The following STK24 variants were observed in gnomAD, a reference collection of about 807,000 sequenced individuals.
STK24 encodes the protein serine/threonine kinase 24, also known as serine/threonine-protein kinase 24.
Under a neutral mutation model 55.6 loss-of-function variants are expected in STK24, and 21 were observed. The ratio of observed to expected loss-of-function variants is 0.38; its 90% CI spans 0.27 to 0.54. The LOEUF is 0.54. Among genes scored for constraint, STK24 ranks in the 20% least tolerant of loss-of-function variants. The pLI is 0.79. For missense variants in STK24, 383 were observed against 538.4 expected (o/e 0.71, Z 2.86); for synonymous variants, 200 against 215.2 (o/e 0.93, Z 0.62).
chr13:98,515,494 G>A (rs1000680994), intron 2 of STK24, among the ~76,000 whole-genome samples: 1 of 150,386 alleles, frequency 6.6e-6, no homozygotes, highest in African/African-American at 2.4e-5. Context: ...GACCTTTCCA[G>A]GCCTCAGATC....
rs897525587 is a variant in STK24 at position 98,446,522 on chromosome 13, C to T, written c.*6651G>A. ...CCGGGCCATCACGTACAGGCAAACA[C>T]TGGCTGCCATGGTCCCTTCCAGGCC... On this transcript the variant is annotated 3_prime_UTR_variant, in exon 11 of 11. Transcript: ENST00000539966. 3.7e-6 allele frequency: 3 copies of T among 811,258 alleles called. No individual in the cohort carries two copies. In the African/African-American group the frequency reaches 5.1e-5, roughly 14 times the overall value. 50.3% of individuals were successfully genotyped at this position (811,258 alleles called of 1,614,324 possible).
intron 1 of STK24, among the ~76,000 whole-genome samples, chr13:98,557,869 T>C (rs575358856): frequency 9.2e-5 from 14 of 152,360 alleles, no homozygotes; most frequent in Admixed American, 2.6e-4. Flanking sequence ...CCAAACACTC[T>C]GTGCCATTTA....
At chr13:98,509,837 A>G (rs1001195895) in intron 2 of STK24, among the ~76,000 whole-genome samples, 1 of 138,224 alleles carries the variant, frequency 7.2e-6, no homozygotes, top group Non-Finnish European at 1.6e-5. Flanking sequence ...AGTTGTGCAC[A>G]CTCTCTCTGT....
At chr13:98,453,233 A>G (rs1280500589) in intron 10 of STK24, 24 bp from the exon 11 acceptor site, 2 of 1,609,100 alleles carry the variant, frequency 1.2e-6, no homozygotes, top group Non-Finnish European at 1.7e-6. Flanking sequence ...GAGAGAGAGA[A>G]GTCAACACAT....
intron 7 of STK24, 126 bp from the exon 8 acceptor site, chr13:98,462,023 A>C: frequency 8.5e-7 from 1 of 1,177,460 alleles, no homozygotes; most frequent in Non-Finnish European, 1.2e-6. Context: ...GTCCCCACCC[A>C]TCACACCCTT....
intron 2 of STK24, among the ~76,000 whole-genome samples, chr13:98,488,203 ACACG>A (rs1281386572): frequency 5.3e-5 from 8 of 150,364 alleles, no homozygotes; most frequent in African/African-American, 2.0e-4. Flanking sequence ...ACACACACAC[ACACG>A]GGAAGACCAC....
rs1274941631 is a variant in STK24 at position 98,534,736 on chromosome 13, C to CA, written c.43-15264dup. On this transcript the variant is annotated intron_variant, in intron 1 of 10. Transcript: ENST00000539966. ...GATCCCACCCAGGAACCGAAAACAG[C>CA]AAAAAACCCACTTCAATCTCCTATG... Among the ~76,000 whole-genome samples the CA allele has an allele frequency of 3.9e-5, 6 of 152,266 alleles. No individual in the cohort carries two copies. In the East Asian group the frequency reaches 1.2e-3, roughly 29 times the overall value.
At chr13:98,545,256 GTCC>G (rs1191393539) in intron 1 of STK24, among the ~76,000 whole-genome samples, 10 of 152,212 alleles carry the variant, frequency 6.6e-5, no homozygotes, top group Non-Finnish European at 1.3e-4. Context: ...TTTCTGCACT[GTCC>G]CAGTTGTTAG....
At chr13:98,566,586 C>A (rs1320990712) in intron 1 of STK24, among the ~76,000 whole-genome samples, 1 of 152,240 alleles carries the variant, frequency 6.6e-6, no homozygotes, top group South Asian at 2.1e-4. Flanking sequence ...CTGGCCCTCA[C>A]TGAAGAAAAC....
At chr13:98,491,040 A>G (rs1225725860) in intron 2 of STK24, among the ~76,000 whole-genome samples, 1 of 152,138 alleles carries the variant, frequency 6.6e-6, no homozygotes, top group Non-Finnish European at 1.5e-5. Flanking sequence ...TAGGGTGGAG[A>G]GGGAAGCACT....
chr13:98,530,972 T>C, intron 1 of STK24, among the ~76,000 whole-genome samples: 1 of 152,204 alleles, frequency 6.6e-6, no homozygotes, highest in Non-Finnish European at 1.5e-5. Context: ...TGAGAGTAGA[T>C]TTTTAGTATG....
chr13:98,460,463 GTCA>G, intron 8 of STK24, 23 bp from the exon 9 acceptor site: 1 of 1,601,628 alleles, frequency 6.2e-7, no homozygotes, highest in Non-Finnish European at 8.6e-7. Flanking sequence ...GGAAAAAAAG[GTCA>G]TCAGAAACAG....
chr13:98,515,894 G>T (rs769115528), intron 2 of STK24, among the ~76,000 whole-genome samples: 17 of 152,284 alleles, frequency 1.1e-4, no homozygotes, highest in Middle Eastern at 3.4e-3. Flanking sequence ...AAAGAACTAA[G>T]AACAGTAGCT....
chr13:98,525,061 GC>G (rs1481413626), intron 1 of STK24, among the ~76,000 whole-genome samples: 1 of 152,254 alleles, frequency 6.6e-6, no homozygotes, highest in Non-Finnish European at 1.5e-5. Context: ...GGGCAGCCCT[GC>G]CCTTTGGCAA....
At chr13:98,558,293 C>T (rs1299376301) in intron 1 of STK24, among the ~76,000 whole-genome samples, 1 of 152,182 alleles carries the variant, frequency 6.6e-6, no homozygotes, top group Non-Finnish European at 1.5e-5. Flanking sequence ...GAAGGCCTAC[C>T]GGTTTTATGA....
intron 3 of STK24, among the ~76,000 whole-genome samples, chr13:98,478,742 TG>T (rs1405833953): frequency 6.6e-6 from 1 of 152,256 alleles, no homozygotes; most frequent in Non-Finnish European, 1.5e-5. Flanking sequence ...ATTAAGTGAC[TG>T]GTTTATGTAG....
intron 5 of STK24, among the ~76,000 whole-genome samples, chr13:98,472,960 C>A (rs1033901121): frequency 6.6e-6 from 1 of 152,032 alleles, no homozygotes; most frequent in African/African-American, 2.4e-5. Context: ...TGGCCGCACA[C>A]TGAGGTGCCC....
intron 5 of STK24, among the ~76,000 whole-genome samples, chr13:98,474,374 T>TC (rs1894282043): frequency 6.6e-6 from 1 of 152,126 alleles, no homozygotes; most frequent in Non-Finnish European, 1.5e-5. Flanking sequence ...TTCCGTGGAC[T>TC]CCCTTTCTCT....
chr13:98,494,331 G>A lies in STK24; in HGVS notation c.274-12010C>T, dbSNP rs1197960284. ...AGGCTGAGTGAGGCAGGAGAATGGC[G>A]TGGACCCGGGAGGCAGAGCTTGCAG... On this transcript the variant is annotated intron_variant, in intron 2 of 10. Coordinates refer to ENST00000539966, the MANE Select transcript of STK24 (RefSeq NM_001032296.4). Among the ~76,000 whole-genome samples the A allele has an allele frequency of 2.1e-5, 3 of 145,162 alleles. No individual in the cohort carries two copies. In the South Asian group the frequency reaches 6.6e-4, roughly 32 times the overall value.
Sources: allele counts gnomAD v4.1 joint callset (sites outside exome capture counted in the v4.1 genomes callset), GRCh38; gene constraint gnomAD v4.1.1; transcripts MANE v1.5; gene names NCBI Gene and HGNC (gene_info 2026-07-23, HGNC 2026-07-21).